The following FGF12 variants were observed in gnomAD, a reference collection of about 807,000 sequenced individuals.
FGF12 encodes the protein fibroblast growth factor 12B.
Under a neutral mutation model 23.6 loss-of-function variants are expected in FGF12, and 14 were observed. That is an observed-to-expected ratio of 0.59 (90% CI 0.39 to 0.93). The LOEUF (loss-of-function observed/expected upper bound fraction) is 0.93. Among genes scored for constraint, FGF12 ranks in the 40% least tolerant of loss-of-function variants. The pLI, the probability that FGF12 is intolerant of heterozygous loss-of-function variation, is 0.00. For missense variants in FGF12, 175 were observed against 217.8 expected (o/e 0.80, Z 1.24); for synonymous variants, 62 against 77.3 (o/e 0.80, Z 1.04).
rs556300462 is a variant in FGF12, at chr3:192,450,418, T to G, written c.14-89880A>C. On this transcript the variant is annotated intron_variant, in intron 2 of 5. Transcript: ENST00000445105. Reference sequence around the variant, plus strand: ...ATCCAATTTTAATCATGTAGCAAATTTGGGAAGCCACCAGTAATACTAAAC... The same window carrying G: ...ATCCAATTTTAATCATGTAGCAAATGTGGGAAGCCACCAGTAATACTAAAC... Among the ~76,000 whole-genome samples, 86 of 152,238 alleles carry G rather than the reference T, an allele frequency of 5.6e-4. 2 individuals are homozygous for G. The South Asian group carries it at 0.016, about 28-fold the overall frequency.
intron 2 of FGF12, among the ~76,000 whole-genome samples, chr3:192,494,902 CCA>C (rs753865538): frequency 2.6e-5 from 4 of 151,910 alleles, no homozygotes; most frequent in Non-Finnish European, 4.4e-5. Flanking sequence ...CCTCTGTCAC[CCA>C]GGCTAGAGTG....
chr3:192,609,299 A>G (rs920156485), intron 2 of FGF12, among the ~76,000 whole-genome samples: 8 of 152,074 alleles, frequency 5.3e-5, no homozygotes, highest in Non-Finnish European at 1.0e-4. Flanking sequence ...AGCCAATCAT[A>G]AACGGGGGGT....
intron 2 of FGF12, among the ~76,000 whole-genome samples, chr3:192,534,510 C>G (rs1228437624): frequency 6.6e-6 from 1 of 152,100 alleles, no homozygotes; most frequent in Non-Finnish European, 1.5e-5. Context: ...ATTCTCGTGT[C>G]TCAGCCTCCC....
intron 4 of FGF12, among the ~76,000 whole-genome samples, chr3:192,245,413 C>T (rs924676592): frequency 5.9e-5 from 9 of 152,084 alleles, no homozygotes; most frequent in Non-Finnish European, 8.8e-5. Flanking sequence ...CCCCCATGCC[C>T]GGCCAAGGAC....
chr3:192,407,417 G>A (rs1721006577), intron 2 of FGF12, among the ~76,000 whole-genome samples: 1 of 152,156 alleles, frequency 6.6e-6, no homozygotes, highest in African/African-American at 2.4e-5. Flanking sequence ...TGAAGACTGT[G>A]TAAAGGAAGT....
At chr3:192,290,307 T>C (rs950653112) in intron 4 of FGF12, among the ~76,000 whole-genome samples, 5 of 152,162 alleles carry the variant, frequency 3.3e-5, no homozygotes, top group African/African-American at 1.2e-4. Flanking sequence ...GTGTGTGCAA[T>C]TATGATTTCT....
chr3:192,221,843 G>C (rs1718492318), intron 4 of FGF12, among the ~76,000 whole-genome samples: 1 of 152,094 alleles, frequency 6.6e-6, no homozygotes, highest in Non-Finnish European at 1.5e-5. Context: ...AATATAACAA[G>C]TATAAAATGA....
intron 2 of FGF12, among the ~76,000 whole-genome samples, chr3:192,518,050 T>G (rs1278111700): frequency 1.3e-5 from 2 of 152,200 alleles, no homozygotes; most frequent in Non-Finnish European, 2.9e-5. Context: ...TCATCTTTTC[T>G]CCTTTCTGTG....
chr3:192,333,658 A>T (rs1301944594), intron 4 of FGF12, among the ~76,000 whole-genome samples: 1 of 152,150 alleles, frequency 6.6e-6, no homozygotes, highest in African/African-American at 2.4e-5. Context: ...AAATAATTGT[A>T]ATACAAATGA....
chr3:192,528,559 A>C (rs115083723), intron 2 of FGF12, among the ~76,000 whole-genome samples: 1 of 152,050 alleles, frequency 6.6e-6, no homozygotes, highest in African/African-American at 2.4e-5. Flanking sequence ...TCTCAGCTCT[A>C]CTAGACAGTG....
At chr3:192,200,185 C>A (rs538632999) in intron 4 of FGF12, among the ~76,000 whole-genome samples, 1 of 151,594 alleles carries the variant, frequency 6.6e-6, no homozygotes, top group East Asian at 1.9e-4. Flanking sequence ...AATAATTAGC[C>A]GGGTGTGGCT....
chr3:192,345,392 T>C (rs1046182180), intron 3 of FGF12, among the ~76,000 whole-genome samples: 11 of 151,780 alleles, frequency 7.2e-5, no homozygotes, highest in Admixed American at 2.0e-4. Context: ...TTGTTGCTCT[T>C]AAGATATAAC....
At chr3:192,691,222 A>C (rs1717932427) in intron 2 of FGF12, among the ~76,000 whole-genome samples, 1 of 152,090 alleles carries the variant, frequency 6.6e-6, no homozygotes, top group African/African-American at 2.4e-5. Context: ...ATCCATCAGC[A>C]ACAGAAAACA....
At chr3:192,382,576 C>A (rs929557210) in intron 2 of FGF12, among the ~76,000 whole-genome samples, 1 of 151,912 alleles carries the variant, frequency 6.6e-6, no homozygotes, top group Non-Finnish European at 1.5e-5. Context: ...GTCAGTCACA[C>A]AAAACAGCTG....
intron 2 of FGF12, among the ~76,000 whole-genome samples, chr3:192,657,105 GT>G (rs34724301): frequency 9.4e-5 from 14 of 149,704 alleles, no homozygotes; most frequent in Middle Eastern, 3.2e-3. Flanking sequence ...CTGAGTTGAG[GT>G]TTTTTTTTTC....
chr3:192,349,081 C>T (rs1257152020), intron 3 of FGF12, among the ~76,000 whole-genome samples: 4 of 152,072 alleles, frequency 2.6e-5, no homozygotes, highest in Admixed American at 1.3e-4. Flanking sequence ...CTAGAAAATG[C>T]TAATCCATAT....
intron 2 of FGF12, among the ~76,000 whole-genome samples, chr3:192,393,241 A>T (rs1420919705): frequency 6.6e-6 from 1 of 152,212 alleles, no homozygotes; most frequent in Non-Finnish European, 1.5e-5. Flanking sequence ...TACGTAAGGG[A>T]CTAACCTCAA....
At chr3:192,707,869 C>T (rs764310608) in intron 2 of FGF12, among the ~76,000 whole-genome samples, 13 of 151,920 alleles carry the variant, frequency 8.6e-5, no homozygotes, top group Non-Finnish European at 1.9e-4. Context: ...TATGCCGAGC[C>T]AGATTTCCCA....
At chr3:192,373,398 G>T (rs1340973151) in intron 2 of FGF12, among the ~76,000 whole-genome samples, 1 of 151,722 alleles carries the variant, frequency 6.6e-6, no homozygotes, top group East Asian at 1.9e-4. Context: ...CCAGAAACCT[G>T]AGGGACTCTC....
Sources: gnomAD v4.1 joint callset for allele counts (sites outside exome capture counted in the v4.1 genomes callset) on GRCh38, gnomAD v4.1.1 for gene constraint, MANE v1.5 for transcripts, NCBI Gene and HGNC (gene_info 2026-07-23, HGNC 2026-07-21) for gene names.